The following ACSS3 variants were observed in gnomAD, a reference collection of about 807,000 sequenced individuals.
ACSS3 encodes acyl-CoA synthetase short-chain family member 3, mitochondrial.
In ACSS3, 64 loss-of-function variants were observed where a neutral mutation model predicts 84.2. The observed-to-expected ratio is 0.76, with a 90% CI of 0.62 to 0.94. ACSS3 has a LOEUF of 0.94. Ranked by LOEUF, ACSS3 falls within the 40% of genes least tolerant of loss-of-function variation. The pLI is 0.00. For missense variants in ACSS3, 815 were observed against 867.6 expected, an observed-to-expected ratio of 0.94 and a Z score of 0.76; for synonymous variants, 317 against 310.1, an observed-to-expected ratio of 1.02 and a Z score of -0.23.
chr12:81,156,758 A>G (rs1036716389), intron 7 of ACSS3, among the ~76,000 whole-genome samples: 1 of 152,224 alleles, frequency 6.6e-6, no homozygotes. Flanking sequence ...ATAAATTACT[A>G]GAATAGCCTT....
intron 13 of ACSS3, among the ~76,000 whole-genome samples, chr12:81,249,428 C>G (rs916380205): frequency 2.0e-5 from 3 of 152,016 alleles, no homozygotes; most frequent in African/African-American, 7.2e-5. Flanking sequence ...CTGGTGTTAA[C>G]ATACTGTCTT....
chr12:81,183,646 G>T (rs1180264687), intron 8 of ACSS3, among the ~76,000 whole-genome samples: 4 of 151,974 alleles, frequency 2.6e-5, no homozygotes, highest in Admixed American at 6.6e-5. Context: ...AGCAGGAGTG[G>T]TTATACTTAC....
intron 1 of ACSS3, among the ~76,000 whole-genome samples, chr12:81,085,875 A>G (rs1881276609): frequency 6.6e-6 from 1 of 152,216 alleles, no homozygotes. Context: ...TATAACAATT[A>G]CATATTAAAT....
intron 7 of ACSS3, among the ~76,000 whole-genome samples, chr12:81,155,615 C>T (rs143666409): frequency 2.6e-4 from 39 of 152,346 alleles, no homozygotes; most frequent in African/African-American, 9.1e-4. Flanking sequence ...ATCTCACACT[C>T]TGCTGGTCAT....
Position 81,078,303 on chromosome 12 carries a change from G to A in ACSS3, c.183G>A (p.Glu61=). 1 of 1,612,260 alleles carries A rather than the reference G, an allele frequency of 6.2e-7. No individual in the cohort carries two copies. The highest frequency in any genetic ancestry group is 1.3e-5 in the African/African-American group (1 of 75,024). ...CRALSSGSGS[E]YKTHFAASVT... ...CACTGTCCTCCGGCAGTGGCAGCGA[G>A]TACAAGACCCACTTCGCAGCCTCGG... Residue 61 remains glutamate (E), a synonymous_variant, in exon 1 of 16, where the codon GAG becomes GAA. Coordinates refer to ENST00000548058, the MANE Select transcript of ACSS3 (RefSeq NM_024560.4).
intron 1 of ACSS3, among the ~76,000 whole-genome samples, chr12:81,081,932 T>C (rs967175740): frequency 6.6e-6 from 1 of 152,188 alleles, no homozygotes; most frequent in Admixed American, 6.5e-5. Context: ...TGCCAAGTCT[T>C]AAAATGGCTT....
At chr12:81,189,565 T>C (rs532742849) in intron 8 of ACSS3, among the ~76,000 whole-genome samples, 2 of 152,288 alleles carry the variant, frequency 1.3e-5, no homozygotes, top group Middle Eastern at 3.4e-3. Flanking sequence ...TTCTTGTTAA[T>C]TTGTAGGAGT....
At chr12:81,078,602 G>T (rs968384693) in intron 1 of ACSS3, among the ~76,000 whole-genome samples, 171 bp downstream of exon 1, 1 of 152,096 alleles carries the variant, frequency 6.6e-6, no homozygotes, top group African/African-American at 2.4e-5. Flanking sequence ...CAGTTCTCTT[G>T]CCTTCTGCTC....
At chr12:81,235,109 C>T (rs2033588927) in intron 13 of ACSS3, among the ~76,000 whole-genome samples, 1 of 150,954 alleles carries the variant, frequency 6.6e-6, no homozygotes, top group Non-Finnish European at 1.5e-5. Flanking sequence ...TAATATAGTG[C>T]AAGGTGTAGG....
intron 1 of ACSS3, among the ~76,000 whole-genome samples, chr12:81,081,599 G>A (rs1456996532): frequency 3.3e-5 from 5 of 152,176 alleles, no homozygotes; most frequent in Admixed American, 6.5e-5. Flanking sequence ...ACTCTCTGAA[G>A]GATTAGTCAA....
At chr12:81,125,838 T>C (rs1885053849) in intron 2 of ACSS3, 1 of 152,220 alleles carries the variant, frequency 6.6e-6, no homozygotes, top group African/African-American at 2.4e-5. Flanking sequence ...GGCATCACTT[T>C]CCAATCAGTT....
chr12:81,096,235 G>A (rs1882033108), intron 1 of ACSS3, among the ~76,000 whole-genome samples: 1 of 152,182 alleles, frequency 6.6e-6, no homozygotes, highest in Admixed American at 6.5e-5. Context: ...TGTCAGAAGA[G>A]AAAGTGTCAG....
chr12:81,144,114 T>C (rs767344840), intron 5 of ACSS3, among the ~76,000 whole-genome samples: 7 of 152,232 alleles, frequency 4.6e-5, no homozygotes, highest in Non-Finnish European at 8.8e-5. Flanking sequence ...GAAAACTTCA[T>C]TTCTTAATCT....
intron 4 of ACSS3, among the ~76,000 whole-genome samples, chr12:81,140,702 C>G (rs1441276935): frequency 6.6e-6 from 1 of 152,030 alleles, no homozygotes; most frequent in Non-Finnish European, 1.5e-5. Context: ...AGCTTCTTTG[C>G]TGTTTAAATC....
In ACSS3 at chr12:81,216,961, C is replaced by T. The variant is rs1322109798; in HGVS notation, c.1415C>T (p.Pro472Leu). ...VGLGNSKTPPPGQAGKSVPGY... is the reference protein window; with the variant it reads ...VGLGNSKTPPLGQAGKSVPGY... ...TTAGGCAATTCTAAAACACCTCCAC[C>T]AGGGCAAGCAGGAAAAAGCGTCCCA... is the stretch of plus-strand genomic sequence containing the variant. The change falls in exon 10 of 16, where the codon CCA (proline) becomes CTA (leucine). Residue 472 changes from proline (P) to leucine (L), a missense_variant. Physicochemically the swap from Pro to Leu is moderately conservative, Grantham distance 98. Coordinates refer to ENST00000548058, the MANE Select transcript of ACSS3 (RefSeq NM_024560.4). 3 of 1,611,006 alleles carry T rather than the reference C, an allele frequency of 1.9e-6. No individual in the cohort carries two copies. Among genetic ancestry groups the T allele is most frequent in the Non-Finnish European group, 2.5e-6 (3 of 1,177,978 alleles).
chr12:81,257,427 G>GTATC lies in ACSS3; in HGVS notation c.*2507_*2510dup, dbSNP rs2034342319. The stretch of plus-strand genomic sequence containing the variant: ...GTACTTTAAAGATTCTGAATTAAAT[G>GTATC]TATCTTTAAAAACAACAATATAATA... On this transcript the variant is annotated 3_prime_UTR_variant, in exon 16 of 16. Transcript: ENST00000548058. 1 of 152,114 alleles carries GTATC rather than the reference G, an allele frequency of 6.6e-6. No individual in the cohort carries two copies. The highest frequency in any genetic ancestry group is 1.5e-5 in the Non-Finnish European group (1 of 67,998). The allele number at this position is 152,114 out of a possible 1,614,324, so 9.4% of individuals were successfully genotyped here.
chr12:81,156,488 T>C (rs573148252), intron 7 of ACSS3, among the ~76,000 whole-genome samples: 1 of 140,270 alleles, frequency 7.1e-6, no homozygotes, highest in Non-Finnish European at 1.6e-5. Flanking sequence ...CATAAAAACA[T>C]AGAAAATTAA....
intron 2 of ACSS3, chr12:81,124,486 T>C (rs1306984625): frequency 2.0e-5 from 3 of 152,226 alleles, no homozygotes; most frequent in Non-Finnish European, 2.9e-5. Context: ...TCTTATTGTC[T>C]TCATTACTGT....
chr12:81,213,742 G>A (rs1447170017), intron 9 of ACSS3, among the ~76,000 whole-genome samples: 5 of 78,832 alleles, frequency 6.3e-5, no homozygotes, highest in Admixed American at 4.1e-4. Flanking sequence ...GCTCCCCTCC[G>A]CTCGGCTCCT....
Sources: gnomAD v4.1 joint callset for allele counts (sites outside exome capture counted in the v4.1 genomes callset) on GRCh38, gnomAD v4.1.1 for gene constraint, MANE v1.5 for transcripts, NCBI Gene and HGNC (gene_info 2026-07-23, HGNC 2026-07-21) for gene names.